Variants in TRIOBP observed in about 807,000 individuals in gnomAD.
TRIOBP encodes TRIO and F-actin-binding protein.
A neutral mutation model predicts 238.8 loss-of-function variants in TRIOBP; 169 were observed. The ratio of observed to expected loss-of-function variants is 0.71; its 90% CI spans 0.62 to 0.80. The LOEUF (loss-of-function observed/expected upper bound fraction) is 0.80. Ranked by LOEUF, TRIOBP falls within the 30% of genes least tolerant of loss-of-function variation. TRIOBP has a pLI of 0.00. For synonymous variants in TRIOBP, 1,150 were observed against 1,274.4 expected, an observed-to-expected ratio of 0.90 and a Z score of 2.08; for missense variants, 2,838 against 3,122.6, an observed-to-expected ratio of 0.91 and a Z score of 2.17.
In TRIOBP at chr22:37,768,178, T is replaced by G; in HGVS notation, c.6575+2T>G. Reference sequence around the variant, plus strand: ...GGATGGCCTCCGGAAGCAGCACCAGTAAGATGATGCCGGGGCCCAACTGCC... The same window carrying G: ...GGATGGCCTCCGGAAGCAGCACCAGGAAGATGATGCCGGGGCCCAACTGCC... On this transcript the variant is annotated splice_donor_variant, in intron 19 of 23. Transcript: ENST00000644935. LOFTEE classifies it high-confidence loss of function. The G allele has an allele frequency of 6.2e-7, 1 of 1,609,984 alleles. No individual in the cohort carries two copies. Among genetic ancestry groups the G allele is most frequent in the Non-Finnish European group, 8.5e-7 (1 of 1,177,956 alleles).
intron 14 of TRIOBP, 111 bp from the exon 15 acceptor site, chr22:37,755,439 A>T: frequency 9.4e-7 from 1 of 1,066,408 alleles, no homozygotes; most frequent in South Asian, 1.3e-5. Context: ...CCCCAGACTC[A>T]AGACCTTAGA....
chr22:37,767,744 T>A, intron 18 of TRIOBP, among the ~76,000 whole-genome samples: 1 of 151,970 alleles, frequency 6.6e-6, no homozygotes, highest in East Asian at 1.9e-4. Context: ...TACCTGGAAA[T>A]CACTAGAACA....
chr22:37,726,412 C>G lies in TRIOBP; in HGVS notation c.3856C>G (p.Gln1286Glu). ...CCCACCCAGGAGGCTGGCCCAGAGA[C>G]AGCCAGGGCCCCAGGCGCAGTGCAG... ...LPPPRRLAQRQPGPQAQCSSG... is the reference protein window; with the variant it reads ...LPPPRRLAQREPGPQAQCSSG... The change falls in exon 7 of 24, where the codon CAG becomes GAG. Residue 1286 changes from glutamine (Q) to glutamate (E), a missense_variant. Physicochemically the swap from Gln to Glu is conservative, Grantham distance 29 (BLOSUM62 2). Around this residue, in one of 5 missense-constraint regions of TRIOBP, gnomAD observed 2,096 missense variants for 2,137.4 expected, o/e 0.98. Coordinates refer to ENST00000644935, the MANE Select transcript of TRIOBP (RefSeq NM_001039141.3). 1 of 1,586,246 alleles carries G rather than the reference C, an allele frequency of 6.3e-7. No individual in the cohort carries two copies. The highest frequency in any genetic ancestry group is 8.6e-7 in the Non-Finnish European group (1 of 1,166,714).
chr22:37,734,174 C>T lies in TRIOBP; in HGVS notation c.4063-225C>T, dbSNP rs116813419. Among the ~76,000 whole-genome samples the T allele has an allele frequency of 8.1e-3, 1,236 of 152,292 alleles. 17 individuals carry two copies. Among genetic ancestry groups the T allele is most frequent in the African/African-American group, 0.028 (1,163 of 41,556 alleles). ...TTTGAGAGGGGTGAGAAGCCAAGAA[C>T]GGGGGCAGGTCTTTGCAGATCTTTT... On this transcript the variant is annotated intron_variant, in intron 8 of 23. Coordinates refer to ENST00000644935, the MANE Select transcript of TRIOBP (RefSeq NM_001039141.3).
intron 17 of TRIOBP, among the ~76,000 whole-genome samples, 154 bp from the exon 18 acceptor site, chr22:37,765,516 T>A (rs1281984685): frequency 1.5e-5 from 1 of 66,046 alleles, no homozygotes; most frequent in African/African-American, 5.9e-5. Flanking sequence ...AGCCGTGGGG[T>A]GGGGGTGGGA....
intron 17 of TRIOBP, among the ~76,000 whole-genome samples, chr22:37,763,459 T>C (rs1174724789): frequency 6.6e-6 from 1 of 152,090 alleles, no homozygotes; most frequent in Admixed American, 6.6e-5. Context: ...TGGCCCTCGC[T>C]CCTCCATCAA....
At position 37,699,412 on chromosome 22, in the gene TRIOBP, C is replaced by T. The variant is rs1356575728; in HGVS notation, c.-61+1716C>T. On this transcript the variant is annotated intron_variant, in intron 2 of 23. Coordinates refer to ENST00000644935, the MANE Select transcript of TRIOBP (RefSeq NM_001039141.3). ...AGCCCTGGATTTGAATCAGCCACTG[C>T]GACCTTCAGTGACCGAAGGAACCTC... is the stretch of plus-strand genomic sequence containing the variant. 3.9e-5 allele frequency among the ~76,000 whole-genome samples: 6 copies of T among 152,078 alleles called. No individual in the cohort carries two copies. In the East Asian group the frequency reaches 9.7e-4, roughly 25 times the overall value.
intron 21 of TRIOBP, 48 bp from the exon 22 acceptor site, chr22:37,771,602 G>T (rs1926775841): frequency 6.4e-7 from 1 of 1,556,702 alleles, no homozygotes; most frequent in Non-Finnish European, 8.9e-7. Context: ...ATGGGCCAGG[G>T]TAGCTCTGGC....
rs141322457 is a variant in TRIOBP, at chr22:37,755,113, G to C, written c.5500G>C (p.Asp1834His). 5 of 1,613,758 alleles carry C rather than the reference G, an allele frequency of 3.1e-6. No individual in the cohort carries two copies. In the African/African-American group the frequency reaches 6.7e-5, roughly 22 times the overall value. The part of the protein sequence containing the change: ...DSTAEEADEL[D>H]GEIDLRSCTD... ...CCTCTTGCTCCAGGCAGATGAGCTG[G>C]ATGGTGAGATCGACCTGCGTTCCTG... is the stretch of plus-strand genomic sequence containing the variant. The change falls in exon 14 of 24, where the codon GAT (aspartate) becomes CAT (histidine). Residue 1834 changes from aspartate (D) to histidine (H), a missense_variant. Around this residue, in one of 5 missense-constraint regions of TRIOBP, gnomAD observed 2,096 missense variants for 2,137.4 expected, o/e 0.98. Transcript: ENST00000644935.
intron 2 of TRIOBP, among the ~76,000 whole-genome samples, chr22:37,698,803 C>T (rs1021215002): frequency 2.8e-5 from 2 of 70,282 alleles, no homozygotes. Context: ...GATCGAGCCA[C>T]TGCACTCCAG....
At chr22:37,751,034 T>G in intron 11 of TRIOBP, 1 of 384,492 alleles carries the variant, frequency 2.6e-6, no homozygotes. Flanking sequence ...GAAGGGAGGG[T>G]CTGGTGGTTG....
chr22:37,752,789 C>T (rs1925692034), intron 12 of TRIOBP, among the ~76,000 whole-genome samples: 1 of 152,222 alleles, frequency 6.6e-6, no homozygotes, highest in South Asian at 2.1e-4. Context: ...CCACCCAGAG[C>T]TGGCCATTAG....
intron 4 of TRIOBP, among the ~76,000 whole-genome samples, chr22:37,712,491 T>A (rs112268568): frequency 0.012 from 1,809 of 152,160 alleles, 36 homozygotes; most frequent in African/African-American, 0.042. Context: ...GCCACCACCA[T>A]GCCCATCTAA....
intron 6 of TRIOBP, among the ~76,000 whole-genome samples, chr22:37,721,232 C>T (rs553114245): frequency 3.3e-5 from 5 of 151,988 alleles, no homozygotes; most frequent in East Asian, 1.9e-4. Flanking sequence ...AGGCTGGTCT[C>T]GAACTCCTGA....
At chr22:37,772,948 A>G (rs1276044069) in intron 23 of TRIOBP, among the ~76,000 whole-genome samples, 184 bp downstream of exon 23, 1 of 152,196 alleles carries the variant, frequency 6.6e-6, no homozygotes, top group Non-Finnish European at 1.5e-5. Context: ...CCCGGGCCAC[A>G]GGCTGCTTCA....
intron 3 of TRIOBP, among the ~76,000 whole-genome samples, chr22:37,707,186 G>T (rs2145815743): frequency 6.6e-6 from 1 of 152,246 alleles, no homozygotes; most frequent in South Asian, 2.1e-4. Context: ...TGAGGCAGGA[G>T]AATTTCTTGA....
intron 17 of TRIOBP, among the ~76,000 whole-genome samples, chr22:37,763,438 C>G (rs1264508356): frequency 8.5e-5 from 13 of 152,116 alleles, no homozygotes; most frequent in Admixed American, 7.9e-4. Flanking sequence ...CCTGTCGCCA[C>G]ATGAAGCTCT....
At position 37,773,809 on chromosome 22, in the gene TRIOBP, G is replaced by A. The variant is rs1012741713; in HGVS notation, c.*29G>A. On this transcript the variant is annotated 3_prime_UTR_variant, in exon 24 of 24. Transcript: ENST00000644935. ...TCCCGCCCAGCTGCAGACCCTCCAG[G>A]CTGGAGGACCAGCCGCCCTCCTTCC... 1 of 152,680 alleles carries A rather than the reference G, an allele frequency of 6.5e-6. No individual in the cohort carries two copies. The highest frequency in any genetic ancestry group is 2.4e-5 in the African/African-American group (1 of 41,402). 9.5% of individuals were successfully genotyped at this position (152,680 alleles called of 1,614,324 possible). A position where few individuals can be genotyped will look rare whatever the true frequency, so the allele number is the denominator to read the frequency against.
rs985588978 is a variant in TRIOBP at position 37,774,159 on chromosome 22, G to C, written c.*379G>C. ...AAAAAAAGCAATTCCTGGTGGCTGT[G>C]TGCCTCCAACCCTGGTCCCCCTCTG... is the stretch of plus-strand genomic sequence containing the variant. On this transcript the variant is annotated 3_prime_UTR_variant, in exon 24 of 24. Coordinates refer to ENST00000644935, the MANE Select transcript of TRIOBP (RefSeq NM_001039141.3). 8 of 147,838 alleles carry C rather than the reference G, an allele frequency of 5.4e-5. No individual in the cohort carries two copies. The highest frequency in any genetic ancestry group is 2.0e-4 in the African/African-American group (8 of 39,822). The allele number at this position is 147,838 out of a possible 1,614,324, so 9.2% of individuals were successfully genotyped here.
Sources: allele counts gnomAD v4.1 joint callset (sites outside exome capture counted in the v4.1 genomes callset), GRCh38; gene constraint gnomAD v4.1.1; regional missense constraint gnomAD v4.1.1; transcripts MANE v1.5; gene names NCBI Gene and HGNC (gene_info 2026-07-23, HGNC 2026-07-21).